RBMS3: variants seen among roughly 807,000 people sequenced by gnomAD.
RBMS3 encodes the protein RNA binding motif single stranded interacting protein 3, also known as RNA-binding motif, single-stranded-interacting protein 3.
A neutral mutation model predicts 66.8 loss-of-function variants in RBMS3; 27 were observed. The ratio of observed to expected loss-of-function variants is 0.40; its 90% confidence interval spans 0.30 to 0.56. The LOEUF (loss-of-function observed/expected upper bound fraction) is 0.56, where lower values mean the gene tolerates loss of function less well. Among genes scored for constraint, RBMS3 ranks in the 20% least tolerant of loss-of-function variants. The pLI is 0.40. For synonymous variants in RBMS3, 188 were observed against 183.0 expected (o/e 1.03, Z -0.22); for missense variants, 513 against 549.5 (o/e 0.93, Z 0.66).
At chr3:29,490,662 G>A (rs2043508808) in intron 3 of RBMS3, among the ~76,000 whole-genome samples, 1 of 152,116 alleles carries the variant, frequency 6.6e-6, no homozygotes, top group Admixed American at 6.6e-5. Flanking sequence ...GAATAGATAA[G>A]ATTACCAAAG....
At chr3:29,509,570 T>C (rs1038932186) in intron 3 of RBMS3, among the ~76,000 whole-genome samples, 2 of 152,198 alleles carry the variant, frequency 1.3e-5, no homozygotes, top group African/African-American at 2.4e-5. Context: ...ATGTCTCACA[T>C]GTCATCCCTC....
At position 29,685,122 on chromosome 3, in the gene RBMS3, G is replaced by A. The variant is rs796099356; in HGVS notation, c.400-54598G>A. Reference sequence around the variant, plus strand: ...CACCCAGGCGGGAGTGCAGTGGCGCGATCTCGGCTCACTGCAAGCTCCGCC... The same window carrying A: ...CACCCAGGCGGGAGTGCAGTGGCGCAATCTCGGCTCACTGCAAGCTCCGCC... On this transcript the variant is annotated intron_variant, in intron 4 of 14. Coordinates refer to ENST00000383767, the MANE Select transcript of RBMS3 (RefSeq NM_001003793.3). 7.2e-5 allele frequency among the ~76,000 whole-genome samples: 11 copies of A among 152,114 alleles called. 1 individual carries two copies. The highest frequency in any genetic ancestry group is 2.4e-4 in the African/African-American group (10 of 41,520).
chr3:29,431,163 C>G (rs2041172385), intron 1 of RBMS3, among the ~76,000 whole-genome samples: 1 of 152,170 alleles, frequency 6.6e-6, no homozygotes, highest in East Asian at 1.9e-4. Flanking sequence ...CTATTTAATC[C>G]AAATACCAGG....
chr3:29,956,755 T>C (rs1696074086), intron 12 of RBMS3, among the ~76,000 whole-genome samples: 1 of 152,096 alleles, frequency 6.6e-6, no homozygotes. Flanking sequence ...CTTCTTTCCA[T>C]TCAATTCATT....
intron 13 of RBMS3, 52 bp from the exon 14 acceptor site, chr3:29,991,029 AG>A: frequency 6.4e-7 from 1 of 1,560,674 alleles, no homozygotes; most frequent in South Asian, 1.1e-5. Flanking sequence ...CTATCTAGAG[AG>A]GGCCCTTCAC....
intron 4 of RBMS3, among the ~76,000 whole-genome samples, chr3:29,650,843 A>G (rs902502132): frequency 6.6e-5 from 10 of 152,276 alleles, no homozygotes; most frequent in African/African-American, 2.2e-4. Flanking sequence ...TCAACCATCT[A>G]TTTGTATGGA....
chr3:29,920,865 A>AG (rs1346578159), intron 10 of RBMS3, among the ~76,000 whole-genome samples: 3 of 151,874 alleles, frequency 2.0e-5, no homozygotes, highest in Non-Finnish European at 4.4e-5. Flanking sequence ...AAAAAAAAAA[A>AG]AAAAAAACCT....
chr3:29,881,979 G>A, intron 7 of RBMS3, among the ~76,000 whole-genome samples: 1 of 152,110 alleles, frequency 6.6e-6, no homozygotes, highest in Non-Finnish European at 1.5e-5. Flanking sequence ...CTGAATATAT[G>A]ACTATCATCC....
At chr3:29,957,079 G>T (rs1013980552) in intron 12 of RBMS3, among the ~76,000 whole-genome samples, 11 of 152,014 alleles carry the variant, frequency 7.2e-5, no homozygotes, top group African/African-American at 2.7e-4. Flanking sequence ...CACAGCAATT[G>T]TCTCAAATGT....
chr3:29,404,858 T>C (rs1208298547), intron 1 of RBMS3, among the ~76,000 whole-genome samples: 1 of 152,076 alleles, frequency 6.6e-6, no homozygotes. Flanking sequence ...ATACCGAAAA[T>C]ATAGCAACAA....
chr3:29,892,046 A>G (rs1210645042), intron 8 of RBMS3, among the ~76,000 whole-genome samples: 2 of 151,498 alleles, frequency 1.3e-5, no homozygotes, highest in African/African-American at 4.8e-5. Flanking sequence ...TCAGTGAAAT[A>G]AGATTTTACC....
At chr3:29,695,712 A>G (rs2052241001) in intron 4 of RBMS3, among the ~76,000 whole-genome samples, 1 of 152,206 alleles carries the variant, frequency 6.6e-6, no homozygotes, top group African/African-American at 2.4e-5. Flanking sequence ...ACTAACAGAT[A>G]AAGCATTTTC....
chr3:29,640,000 A>T (rs574398368), intron 4 of RBMS3, among the ~76,000 whole-genome samples: 1 of 151,974 alleles, frequency 6.6e-6, no homozygotes, highest in South Asian at 2.1e-4. Flanking sequence ...CTCTGATATA[A>T]TCCCCTCCTA....
At chr3:29,324,625 T>C (rs948755240) in intron 1 of RBMS3, among the ~76,000 whole-genome samples, 2 of 146,668 alleles carry the variant, frequency 1.4e-5, no homozygotes, top group Admixed American at 1.3e-4. Flanking sequence ...CCCAGCATTG[T>C]AGAGCTCCAA....
intron 1 of RBMS3, among the ~76,000 whole-genome samples, chr3:29,346,528 C>T (rs565551293): frequency 4.6e-5 from 7 of 150,588 alleles, no homozygotes; most frequent in African/African-American, 1.7e-4. Context: ...CTCAGCCTCT[C>T]GAGTAGCTGG....
intron 3 of RBMS3, among the ~76,000 whole-genome samples, chr3:29,511,571 G>C (rs1057330638): frequency 3.3e-5 from 5 of 152,026 alleles, no homozygotes; most frequent in Non-Finnish European, 7.4e-5. Flanking sequence ...TTTATATTTA[G>C]CCCAACACTG....
chr3:29,525,941 G>A (rs748201756), intron 3 of RBMS3, among the ~76,000 whole-genome samples: 27 of 152,144 alleles, frequency 1.8e-4, no homozygotes, highest in Non-Finnish European at 4.4e-5. Flanking sequence ...AGACAGGATG[G>A]TTTAGCCATT....
At chr3:29,860,212 A>G (rs1470174340) in intron 6 of RBMS3, among the ~76,000 whole-genome samples, 1 of 152,224 alleles carries the variant, frequency 6.6e-6, no homozygotes, top group Admixed American at 6.5e-5. Context: ...GAGCAAGTAC[A>G]AAAGCAGTTC....
chr3:29,502,145 G>T (rs769377569), intron 3 of RBMS3, among the ~76,000 whole-genome samples: 1 of 151,936 alleles, frequency 6.6e-6, no homozygotes, highest in Non-Finnish European at 1.5e-5. Flanking sequence ...AAACCAGCCC[G>T]CTTCACTCAT....
Sources: gnomAD v4.1 joint callset for allele counts (sites outside exome capture counted in the v4.1 genomes callset) on GRCh38, gnomAD v4.1.1 for gene constraint, MANE v1.5 for transcripts, NCBI Gene and HGNC (gene_info 2026-07-23, HGNC 2026-07-21) for gene names.